Variants in NECTIN1 observed in about 807,000 individuals in gnomAD.
The protein encoded by NECTIN1 is nectin cell adhesion molecule 1.
NECTIN1 carries 23 observed loss-of-function variants against 48.0 expected under a neutral mutation model. The observed-to-expected ratio is 0.48, with a 90% CI of 0.34 to 0.68. The LOEUF (loss-of-function observed/expected upper bound fraction) is 0.68, where lower values mean the gene tolerates loss of function less well. Ranked by LOEUF, NECTIN1 falls within the 30% of genes least tolerant of loss-of-function variation. NECTIN1 has a pLI of 0.01. For missense variants in NECTIN1, 591 were observed against 709.9 expected (o/e 0.83, Z 1.90); for synonymous variants, 270 against 288.9 (o/e 0.93, Z 0.66).
chr11:119,723,112 G>A (rs1026239965), intron 1 of NECTIN1, among the ~76,000 whole-genome samples: 9 of 151,702 alleles, frequency 5.9e-5, no homozygotes, highest in East Asian at 1.9e-4. Flanking sequence ...CCAGCTACTC[G>A]GGAGGCTGAG....
intron 5 of NECTIN1, among the ~76,000 whole-genome samples, chr11:119,643,577 C>G (rs991903927): frequency 2.0e-5 from 3 of 152,210 alleles, no homozygotes; most frequent in Non-Finnish European, 2.9e-5. Flanking sequence ...CAGACATAGC[C>G]CTGCCTACCC....
chr11:119,679,309 G>A (rs1865019106), intron 1 of NECTIN1, among the ~76,000 whole-genome samples: 1 of 152,158 alleles, frequency 6.6e-6, no homozygotes, highest in South Asian at 2.1e-4. Flanking sequence ...CGTGATGGAC[G>A]AGAAGGTGCG....
In NECTIN1 at chr11:119,678,038, C is replaced by T. The variant is rs766707857; in HGVS notation, c.431-181G>A. On this transcript the variant is annotated intron_variant, in intron 2 of 5. Coordinates refer to ENST00000264025, the MANE Select transcript of NECTIN1 (RefSeq NM_002855.5). This position sits in a 1 kb window ranked among gnomAD's most constrained non-coding sequence, Gnocchi z 4.4. ...CTTGCAGGAAGTTCATCATGTCTAA[C>T]GTTATGTCCTCCCTGCCCTACTAGT... Among the ~76,000 whole-genome samples the T allele has an allele frequency of 1.2e-4, 18 of 152,180 alleles. No homozygotes were observed. Among genetic ancestry groups the T allele is most frequent in the Non-Finnish European group, 1.8e-4 (12 of 68,030 alleles).
At chr11:119,710,508 C>T (rs530092047) in intron 1 of NECTIN1, among the ~76,000 whole-genome samples, 8 of 152,052 alleles carry the variant, frequency 5.3e-5, no homozygotes, top group East Asian at 1.9e-4. Context: ...ATCACTGCTA[C>T]GGTAGGACTG....
intron 1 of NECTIN1, among the ~76,000 whole-genome samples, chr11:119,689,632 C>T (rs965049957): frequency 1.3e-5 from 2 of 152,248 alleles, no homozygotes; most frequent in African/African-American, 2.4e-5. Context: ...GTGCCCCGCA[C>T]ATTCCAAACA....
chr11:119,721,744 G>A (rs10892442), intron 1 of NECTIN1, among the ~76,000 whole-genome samples: 146,993 of 152,342 alleles, frequency 0.96, 70,945 homozygotes, highest in South Asian at 0.98. Flanking sequence ...CCAGGGCTCC[G>A]TGCTCACACC....
chr11:119,673,611 G>C lies in NECTIN1; in HGVS notation c.1003+1548C>G, dbSNP rs1223559413. On this transcript the variant is annotated intron_variant, in intron 5 of 5. Transcript: ENST00000264025. This position sits in a 1 kb window ranked among gnomAD's most constrained non-coding sequence, Gnocchi z 5.8. The stretch of plus-strand genomic sequence containing the variant: ...AAGGCCACACAGCTAGGAAGAGCCA[G>C]TGTGTGAACACTCAGGCCAGGTCTG... Among the ~76,000 whole-genome samples, 1 of 152,228 alleles carries C rather than the reference G, an allele frequency of 6.6e-6. No individual in the cohort carries two copies. The highest frequency in any genetic ancestry group is 1.5e-5 in the Non-Finnish European group (1 of 68,044).
intron 5 of NECTIN1, among the ~76,000 whole-genome samples, chr11:119,671,068 C>T (rs4459318): frequency 0.48 from 72,327 of 151,220 alleles, 18,177 homozygotes; most frequent in African/African-American, 0.63. Flanking sequence ...GACCTTCCAG[C>T]ATCAAAGACT....
chr11:119,727,477 C>A lies in NECTIN1; in HGVS notation c.79+998G>T, dbSNP rs369513045. Among the ~76,000 whole-genome samples, 6 of 152,334 alleles carry A rather than the reference C, an allele frequency of 3.9e-5. No individual in the cohort carries two copies. In the South Asian group the frequency reaches 1.2e-3, roughly 32 times the overall value. On this transcript the variant is annotated intron_variant, in intron 1 of 5. Transcript: ENST00000264025. This position sits in a 1 kb window ranked among gnomAD's most constrained non-coding sequence, Gnocchi z 4.1. Reference sequence around the variant, plus strand: ...TGGAGGAACTCCCCACACCCCTTGACCCACGCTTGGTGTCCAGTCAGCCGG... The same window carrying A: ...TGGAGGAACTCCCCACACCCCTTGAACCACGCTTGGTGTCCAGTCAGCCGG...
In NECTIN1 at chr11:119,678,803, C is replaced by G. The variant is rs1039837197; in HGVS notation, c.80-38G>C. On this transcript the variant is annotated intron_variant, in intron 1 of 5. Coordinates refer to ENST00000264025, the MANE Select transcript of NECTIN1 (RefSeq NM_002855.5). This position sits in a 1 kb window ranked among gnomAD's most constrained non-coding sequence, Gnocchi z 4.4. Reference sequence around the variant, plus strand: ...ATGGCAGCAAGTGGTCAGTGTCAGGCACAGCCTCCCCCCACCCACACAGTT... The same window carrying G: ...ATGGCAGCAAGTGGTCAGTGTCAGGGACAGCCTCCCCCCACCCACACAGTT... 3.5e-6 allele frequency: 5 copies of G among 1,437,126 alleles called. No individual in the cohort carries two copies. The African/African-American group carries it at 7.0e-5, about 20-fold the overall frequency. The allele number at this position is 1,437,126 out of a possible 1,614,324, so 89.0% of individuals were successfully genotyped here. A position where few individuals can be genotyped will look rare whatever the true frequency, so the allele number is the denominator to read the frequency against.
At chr11:119,639,677 C>G in intron 6 of NECTIN1, 1 of 694,796 alleles carries the variant, frequency 1.4e-6, no homozygotes, top group Non-Finnish European at 2.4e-6. Flanking sequence ...CGGTGCCTGG[C>G]ACGTAGCAAT....
At chr11:119,652,164 C>A (rs900542678) in intron 5 of NECTIN1, among the ~76,000 whole-genome samples, 1 of 152,190 alleles carries the variant, frequency 6.6e-6, no homozygotes, top group Non-Finnish European at 1.5e-5. Context: ...GTCATTAACG[C>A]CCCAGGAAAT....
At chr11:119,717,288 A>C (rs1865758275) in intron 1 of NECTIN1, among the ~76,000 whole-genome samples, 1 of 152,224 alleles carries the variant, frequency 6.6e-6, no homozygotes, top group African/African-American at 2.4e-5. Context: ...GCTGTCGCAC[A>C]CGTTCCCCCA....
At chr11:119,648,264 A>AGTGGTGGTGGTG (rs1351679476) in intron 5 of NECTIN1, among the ~76,000 whole-genome samples, 6 of 29,754 alleles carry the variant, frequency 2.0e-4, no homozygotes, top group East Asian at 1.4e-3. Context: ...AGGTGGTAAT[A>AGTGGTGGTGGTG]GTGGTGGTGG....
Position 119,665,188 on chromosome 11 carries a change from G to A in NECTIN1, c.1113C>T (p.Val371=), listed in dbSNP as rs767519831. 1.1e-5 allele frequency: 18 copies of A among 1,608,814 alleles called. No homozygotes were observed. Among genetic ancestry groups the A allele is most frequent in the South Asian group, 9.9e-5 (9 of 91,058 alleles). ...AGSILLVLIV[V]GGIVVALRRR... is the part of the protein sequence containing the mutation. ...GACGCAGGGCGACCACGATCCCGCC[G>A]ACCACAATCAACACCAGCAGGATGC... is the stretch of plus-strand genomic sequence containing the variant. Residue 371 remains valine (V), a synonymous_variant, in exon 6 of 6, where the codon GTC becomes GTT. Transcript: ENST00000264025. The surrounding 1 kb of genome is among the most constrained non-coding windows in gnomAD (Gnocchi z 5.1).
In NECTIN1 at chr11:119,677,789, C is replaced by T. The variant is rs546189693; in HGVS notation, c.499G>A (p.Val167Ile). The T allele has an allele frequency of 3.1e-6, 5 of 1,614,030 alleles. No individual in the cohort carries two copies. Among genetic ancestry groups the T allele is most frequent in the Non-Finnish European group, 4.2e-6 (5 of 1,180,018 alleles). The change falls in exon 3 of 6, where the codon GTC (valine) becomes ATC (isoleucine). Residue 167 changes from valine (V) to isoleucine (I), a missense_variant. Val to Ile is a conservative substitution (Grantham distance 29). Transcript: ENST00000264025. The surrounding 1 kb of genome is among the most constrained non-coding windows in gnomAD (Gnocchi z 5.4). ...LRAKKGQDDK[V>I]LVATCTSANG... is the part of the protein sequence containing the mutation. ...GCTGAGGTGCAGGTGGCCACCAGGACCTTGTCATCCTGCCCCTTCTTGGCT... is the reference window on the plus strand; with the variant it reads ...GCTGAGGTGCAGGTGGCCACCAGGATCTTGTCATCCTGCCCCTTCTTGGCT...
chr11:119,706,487 T>C lies in NECTIN1; in HGVS notation c.79+21988A>G, dbSNP rs61901122. Among the ~76,000 whole-genome samples the C allele has an allele frequency of 6.9e-3, 1,045 of 152,252 alleles. 7 individuals are homozygous for C. Among genetic ancestry groups the C allele is most frequent in the South Asian group, 0.012 (57 of 4,820 alleles). ...GTTGCCTAGGAAGAGGGAGGGACCT[T>C]CTAGCCAGGCACCACTGTATCTTCT... On this transcript the variant is annotated intron_variant, in intron 1 of 5. Coordinates refer to ENST00000264025, the MANE Select transcript of NECTIN1 (RefSeq NM_002855.5).
At chr11:119,639,883 G>A (rs149487173) in exon 6 of NECTIN1, 26 of 1,614,052 alleles carry the variant, frequency 1.6e-5, no homozygotes, top group South Asian at 2.2e-5. Context: ...ATCCGTCTCC[G>A]GTGGGCTCTT....
chr11:119,685,354 G>A (rs1205583471), intron 1 of NECTIN1, among the ~76,000 whole-genome samples: 1 of 152,234 alleles, frequency 6.6e-6, no homozygotes, highest in African/African-American at 2.4e-5. Flanking sequence ...GGGCGGGTGA[G>A]CACAGTGCGT....
Sources: gnomAD v4.1 joint callset for allele counts (sites outside exome capture counted in the v4.1 genomes callset) on GRCh38, gnomAD v4.1.1 for gene constraint, Gnocchi (gnomAD v3.1) non-coding constraint, MANE v1.5 for transcripts, NCBI Gene and HGNC (gene_info 2026-07-23, HGNC 2026-07-21) for gene names.